NGLY1: variants seen among roughly 807,000 people sequenced by gnomAD.
The protein encoded by NGLY1 is peptide-N(4)-(N-acetyl-beta-glucosaminyl)asparagine amidase.
Under a neutral mutation model 84.6 loss-of-function variants are expected in NGLY1, and 68 were observed. That is an observed-to-expected ratio of 0.80 (90% CI 0.66 to 0.98). The LOEUF (loss-of-function observed/expected upper bound fraction) is 0.98, where lower values mean the gene tolerates loss of function less well. Ranked by LOEUF, NGLY1 falls within the 50% of genes least tolerant of loss-of-function variation. The probability of loss-of-function intolerance (pLI) is 0.00; values close to 1 mark genes in which losing one functional copy is unlikely to be tolerated. For synonymous variants in NGLY1, 280 were observed against 275.2 expected (o/e 1.02, Z -0.17); for missense variants, 779 against 770.2 (o/e 1.01, Z -0.14).
intron 1 of NGLY1, among the ~76,000 whole-genome samples, chr3:25,779,689 C>CCTAGAGAATACCTAGA (rs1311362369): frequency 6.2e-4 from 94 of 152,302 alleles, no homozygotes; most frequent in African/African-American, 2.1e-3. Flanking sequence ...GGTATTCTGA[C>CCTAGAGAATACCTAGA]GTAAAAACAA....
rs1708670912 is a variant in NGLY1 at position 25,789,290 on chromosome 3, T to A, written c.5+571A>T. ...AGCACTGTCTCAAATCTGGTGATAA[T>A]TTTTTTTTAAGTGAAAGGAAGTTTA... is the stretch of plus-strand genomic sequence containing the variant. On this transcript the variant is annotated intron_variant, in intron 1 of 11. Transcript: ENST00000417874. 2.0e-5 allele frequency among the ~76,000 whole-genome samples: 3 copies of A among 151,432 alleles called. No homozygotes were observed. In the South Asian group the frequency reaches 6.3e-4, roughly 32 times the overall value.
upstream of NGLY1, among the ~76,000 whole-genome samples, chr3:25,786,461 T>C (rs1181784871): frequency 1.3e-5 from 2 of 152,198 alleles, no homozygotes; most frequent in Non-Finnish European, 2.9e-5. Context: ...TCAATGCTGA[T>C]TTAGTACCCA....
intron 3 of NGLY1, among the ~76,000 whole-genome samples, chr3:25,753,875 G>A (rs542910297): frequency 5.9e-5 from 9 of 152,116 alleles, no homozygotes; most frequent in Non-Finnish European, 1.2e-4. Context: ...GAGACAGGTC[G>A]ATAACAACAA....
intron 3 of NGLY1, chr3:25,755,532 G>A: frequency 2.1e-6 from 3 of 1,422,940 alleles, no homozygotes; most frequent in South Asian, 2.3e-5. Context: ...AATAACTGCA[G>A]TTCAAAATGT....
chr3:25,750,204 GACTC>G (rs1401116735), intron 4 of NGLY1, among the ~76,000 whole-genome samples: 1 of 152,068 alleles, frequency 6.6e-6, no homozygotes, highest in Non-Finnish European at 1.5e-5. Flanking sequence ...GATCTCCTGG[GACTC>G]ACTCATTATT....
At chr3:25,756,911 T>C (rs930229271) in intron 3 of NGLY1, among the ~76,000 whole-genome samples, 4 of 152,222 alleles carry the variant, frequency 2.6e-5, no homozygotes, top group African/African-American at 9.6e-5. Flanking sequence ...TTCCCAGTTT[T>C]CCTCTTATAC....
intron 1 of NGLY1, among the ~76,000 whole-genome samples, chr3:25,779,972 A>G (rs957117841): frequency 6.6e-6 from 1 of 152,214 alleles, no homozygotes; most frequent in Non-Finnish European, 1.5e-5. Context: ...GTTTGTTTAC[A>G]AGTGCATAAA....
At chr3:25,749,514 G>A in intron 4 of NGLY1, 2 of 1,579,812 alleles carry the variant, frequency 1.3e-6, no homozygotes, top group East Asian at 2.2e-5. Context: ...CCCTTGTGAA[G>A]CCCAAGATCA....
chr3:25,723,403 A>T (rs1243519009), intron 10 of NGLY1, among the ~76,000 whole-genome samples: 3 of 152,256 alleles, frequency 2.0e-5, no homozygotes, highest in Non-Finnish European at 2.9e-5. Context: ...AGAACAGTAT[A>T]TGGAGATAAA....
At chr3:25,754,070 T>C (rs73059748) in intron 3 of NGLY1, among the ~76,000 whole-genome samples, 2,427 of 152,268 alleles carry the variant, frequency 0.016, 28 homozygotes, top group Non-Finnish European at 0.028. Context: ...GGAAAAATAA[T>C]GGAGACCAAA....
chr3:25,741,205 C>T (rs1400752398), intron 4 of NGLY1, among the ~76,000 whole-genome samples: 3 of 148,150 alleles, frequency 2.0e-5, no homozygotes, highest in African/African-American at 7.5e-5. Context: ...ACAAAATAGC[C>T]AACACAACTT....
At position 25,736,521 on chromosome 3, in the gene NGLY1, A is replaced by T. The variant is rs1705834661; in HGVS notation, c.1004-372T>A. 5 of 681,096 alleles carry T rather than the reference A, an allele frequency of 7.3e-6. No individual in the cohort carries two copies. The Admixed American group carries it at 9.3e-5, about 13-fold the overall frequency. 42.2% of individuals were successfully genotyped at this position (681,096 alleles called of 1,614,324 possible). A position where few individuals can be genotyped will look rare whatever the true frequency, so the allele number is the denominator to read the frequency against. On this transcript the variant is annotated intron_variant, in intron 6 of 11. Transcript: ENST00000280700. ...CTCTCTCTGGACTTTAAGGCCCAGAACCAGCAGGAAGTCTAATAGAATCTC... is the reference window on the plus strand; with the variant it reads ...CTCTCTCTGGACTTTAAGGCCCAGATCCAGCAGGAAGTCTAATAGAATCTC...
chr3:25,736,125 G>A lies in NGLY1; in HGVS notation c.1028C>T (p.Ser343Phe). The A allele has an allele frequency of 6.2e-7, 1 of 1,613,644 alleles. No homozygotes were observed. The change falls in exon 7 of 12, where the codon TCT becomes TTT. Residue 343 changes from serine to phenylalanine, a missense_variant. Coordinates refer to ENST00000280700, the MANE Select transcript of NGLY1 (RefSeq NM_018297.4). ...YTDHVWTEVY[S>F]PSQQRWLHCD... ...GTGCAGCCACCGCTGCTGAGAAGGA[G>A]AATAGACTTCTGTCCAGACATGGTC... is the stretch of plus-strand genomic sequence containing the variant.
intron 2 of NGLY1, among the ~76,000 whole-genome samples, chr3:25,777,459 T>C (rs776855373): frequency 5.3e-5 from 8 of 149,580 alleles, no homozygotes; most frequent in Non-Finnish European, 8.9e-5. Flanking sequence ...AAAGTCTAAG[T>C]CTTTTGCCAC....
chr3:25,744,945 G>A (rs1428050436), intron 4 of NGLY1, among the ~76,000 whole-genome samples: 1 of 152,130 alleles, frequency 6.6e-6, no homozygotes, highest in Admixed American at 6.6e-5. Context: ...GCTCCAGACT[G>A]ACTACTTCCA....
At chr3:25,731,170 C>A (rs1018103298) in intron 9 of NGLY1, among the ~76,000 whole-genome samples, 2 of 151,914 alleles carry the variant, frequency 1.3e-5, no homozygotes, top group African/African-American at 4.8e-5. Context: ...CAAGCATATA[C>A]CAAGAAATAA....
chr3:25,755,681 G>C, intron 3 of NGLY1: 1 of 1,438,696 alleles, frequency 7.0e-7, no homozygotes, highest in Middle Eastern at 1.8e-4. Context: ...ACTATGTAAG[G>C]AATTATAGTC....
intron 7 of NGLY1, 72 bp downstream of exon 7, chr3:25,735,932 T>C (rs1462314995): frequency 7.7e-7 from 1 of 1,293,992 alleles, no homozygotes; most frequent in African/African-American, 1.5e-5. Context: ...TAATTATACA[T>C]TCATGAAGCT....
rs60529800 is a variant in NGLY1 at position 25,733,466 on chromosome 3, CGTGTGTGTGTGTGT to C, written c.1260+392_1260+405del. 1.7e-3 allele frequency among the ~76,000 whole-genome samples: 234 copies of C among 134,204 alleles called. 1 individual carries two copies. Among genetic ancestry groups the C allele is most frequent in the African/African-American group, 2.4e-3 (87 of 36,266 alleles). 88.0% of individuals were successfully genotyped at this position (134,204 alleles called of 152,430 possible). A position where few individuals can be genotyped will look rare whatever the true frequency, so the allele number is the denominator to read the frequency against. On this transcript the variant is annotated intron_variant, in intron 8 of 11. Coordinates refer to ENST00000280700, the MANE Select transcript of NGLY1 (RefSeq NM_018297.4). ...TGCTTCAGAAATTTCCTCACATGGA[CGTGTGTGTGTGTGT>C]GTGTGTGTGTGTGTGTGTGTGTGTG...
Sources: gnomAD v4.1 joint callset for allele counts (sites outside exome capture counted in the v4.1 genomes callset) on GRCh38, gnomAD v4.1.1 for gene constraint, MANE v1.5 for transcripts, NCBI Gene and HGNC (gene_info 2026-07-23, HGNC 2026-07-21) for gene names.